Variants in ZNF782 observed in about 807,000 individuals in gnomAD.
ZNF782 encodes zinc finger protein 782.
ZNF782 carries 12 observed loss-of-function variants against 13.0 expected under a neutral mutation model. The ratio of observed to expected loss-of-function variants is 0.92; its 90% CI spans 0.59 to 1.50. The LOEUF is 1.50. ZNF782 is among the 40% of genes most tolerant of loss of function. The pLI is 0.00. For missense variants in ZNF782, 770 were observed against 822.9 expected (o/e 0.94, Z 0.79); for synonymous variants, 284 against 283.0 (o/e 1.00, Z -0.04).
chr9:96,853,380 G>A (rs918508757), intron 1 of ZNF782, among the ~76,000 whole-genome samples: 1 of 152,078 alleles, frequency 6.6e-6, no homozygotes, highest in African/African-American at 2.4e-5. Flanking sequence ...TCTGAAGCTC[G>A]GGAGGGAGGC....
chr9:96,841,574 G>A (rs1851190675), intron 4 of ZNF782, among the ~76,000 whole-genome samples: 1 of 151,888 alleles, frequency 6.6e-6, no homozygotes, highest in Non-Finnish European at 1.5e-5. Context: ...TTCAATATTT[G>A]AAAACTAGTC....
At chr9:96,913,775 TCAGCTTC>T in the ZNF782 span, among the ~76,000 whole-genome samples, 1 of 151,716 alleles carries the variant, frequency 6.6e-6, no homozygotes, top group Non-Finnish European at 1.5e-5. Flanking sequence ...TCTGCCCACC[TCAGCTTC>T]CCAAAGTGCG....
At chr9:96,896,321 T>A in the ZNF782 span, among the ~76,000 whole-genome samples, 7 of 152,222 alleles carry the variant, frequency 4.6e-5, no homozygotes, top group Non-Finnish European at 8.8e-5. Context: ...CCCTATGTCA[T>A]AATTTAATCT....
At chr9:96,856,666 TC>T (rs1851646284), upstream of ZNF782, among the ~76,000 whole-genome samples, 1 of 152,198 alleles carries the variant, frequency 6.6e-6, no homozygotes, top group African/African-American at 2.4e-5. Flanking sequence ...CTTCTGGCCT[TC>T]CAAGAAGGTT....
At chr9:96,908,085 C>T in the ZNF782 span, among the ~76,000 whole-genome samples, 2 of 151,966 alleles carry the variant, frequency 1.3e-5, no homozygotes, top group Admixed American at 6.5e-5. Context: ...AAGCTTTATG[C>T]TGAGAAAGAT....
chr9:96,845,361 C>T (rs936869413), intron 3 of ZNF782, among the ~76,000 whole-genome samples: 2 of 152,192 alleles, frequency 1.3e-5, no homozygotes, highest in Non-Finnish European at 2.9e-5. Context: ...TTCCTGGGTT[C>T]AAGCAATTCC....
the ZNF782 span, chr9:96,931,750 C>T: frequency 1.3e-5 from 21 of 1,611,430 alleles, no homozygotes; most frequent in African/African-American, 2.7e-5. Flanking sequence ...CCGGCGTGAC[C>T]GTGAACCCTG....
intron 1 of ZNF782, among the ~76,000 whole-genome samples, chr9:96,865,581 A>G (rs1366332012): frequency 6.6e-6 from 1 of 152,258 alleles, no homozygotes; most frequent in African/African-American, 2.4e-5. Context: ...AAACAGACTA[A>G]TACAGTAAAT....
Position 96,816,707 on chromosome 9 carries a change from C to T in ZNF782, c.*1216G>A, listed in dbSNP as rs997473396. On this transcript the variant is annotated 3_prime_UTR_variant, in exon 6 of 6. Coordinates refer to ENST00000481138, the MANE Select transcript of ZNF782 (RefSeq NM_001001662.3). ...TTTTACACATTCAAAACTAAATTAT[C>T]ATATATTTAATGAGACTTTGGGTGT... 4.6e-5 allele frequency: 7 copies of T among 152,042 alleles called. No individual in the cohort carries two copies. Among genetic ancestry groups the T allele is most frequent in the African/African-American group, 1.7e-4 (7 of 41,396 alleles). 9.4% of individuals were successfully genotyped at this position (152,042 alleles called of 1,614,324 possible). A position where few individuals can be genotyped will look rare whatever the true frequency, so the allele number is the denominator to read the frequency against.
intron 4 of ZNF782, among the ~76,000 whole-genome samples, chr9:96,831,639 G>A (rs188659090): frequency 1.1e-3 from 161 of 152,044 alleles, no homozygotes; most frequent in African/African-American, 3.8e-3. Flanking sequence ...CATGAACCCA[G>A]GAGGTGGAGG....
intron 5 of ZNF782, among the ~76,000 whole-genome samples, chr9:96,820,311 T>C (rs920809116): frequency 3.9e-5 from 6 of 152,202 alleles, no homozygotes; most frequent in Admixed American, 6.5e-5. Context: ...ATTTCCATTC[T>C]ACACATCACA....
chr9:96,852,059 G>T, intron 2 of ZNF782, 54 bp from the exon 3 acceptor site: 1 of 1,230,926 alleles, frequency 8.1e-7, no homozygotes, highest in Non-Finnish European at 1.2e-6. Context: ...ACAGCTCCTA[G>T]ATTAGCCTCC....
chr9:96,869,232 T>A (rs1436637218), intron 1 of ZNF782, among the ~76,000 whole-genome samples: 1 of 152,206 alleles, frequency 6.6e-6, no homozygotes, highest in Non-Finnish European at 1.5e-5. Flanking sequence ...AAGATTCACA[T>A]TATTTAAAAG....
chr9:96,836,431 C>G (rs925244818), intron 4 of ZNF782, among the ~76,000 whole-genome samples: 2 of 152,078 alleles, frequency 1.3e-5, no homozygotes, highest in Admixed American at 6.6e-5. Context: ...GAACTCCTGA[C>G]CTCAGGTGAT....
chr9:96,816,265 G>A (rs1016100267), downstream of ZNF782, among the ~76,000 whole-genome samples: 4 of 152,194 alleles, frequency 2.6e-5, no homozygotes, highest in African/African-American at 4.8e-5. Context: ...TGTGGTATCA[G>A]ATATTTTCTG....
chr9:96,898,908 A>G, the ZNF782 span, among the ~76,000 whole-genome samples: 1 of 148,326 alleles, frequency 6.7e-6, no homozygotes, highest in South Asian at 2.2e-4. Flanking sequence ...ACGGTTCTGT[A>G]ATATTTAAGT....
rs1460160457 is a variant in ZNF782, at chr9:96,816,898, C to T, written c.*1025G>A. 1 of 152,206 alleles carries T rather than the reference C, an allele frequency of 6.6e-6. No homozygotes were observed. Among genetic ancestry groups the T allele is most frequent in the African/African-American group, 2.4e-5 (1 of 41,438 alleles). 9.4% of individuals were successfully genotyped at this position (152,206 alleles called of 1,614,324 possible). A position where few individuals can be genotyped will look rare whatever the true frequency, so the allele number is the denominator to read the frequency against. ...TCCTATGTGACTTTTCTGACATACA[C>T]TGAGTTCAGATGTCCTGAAAAATCA... On this transcript the variant is annotated 3_prime_UTR_variant, in exon 6 of 6. Transcript: ENST00000481138.
At chr9:96,885,803 T>G in the ZNF782 span, among the ~76,000 whole-genome samples, 15 of 152,050 alleles carry the variant, frequency 9.9e-5, no homozygotes, top group South Asian at 2.9e-3. Context: ...TTTCCTTCCT[T>G]CCTTCCTTCC....
chr9:96,927,209 C>T, the ZNF782 span, among the ~76,000 whole-genome samples: 1 of 152,298 alleles, frequency 6.6e-6, no homozygotes, highest in African/African-American at 2.4e-5. Flanking sequence ...AGACTCCAGC[C>T]AGGATTCACA....
Sources: allele counts gnomAD v4.1 joint callset (sites outside exome capture counted in the v4.1 genomes callset), GRCh38; gene constraint gnomAD v4.1.1; transcripts MANE v1.5; gene names NCBI Gene and HGNC (gene_info 2026-07-23, HGNC 2026-07-21).